Variants in LRBA observed in about 807,000 individuals in gnomAD.
LRBA encodes lipopolysaccharide-responsive and beige-like anchor protein.
Under a neutral mutation model 330.0 loss-of-function variants are expected in LRBA, and 176 were observed. That is an observed-to-expected ratio of 0.53 (90% confidence interval 0.47 to 0.60). The LOEUF is 0.60. Ranked by LOEUF, LRBA falls within the 20% of genes least tolerant of loss-of-function variation. The pLI, the probability that LRBA is intolerant of heterozygous loss-of-function variation, is 0.00. For missense variants in LRBA, 3,259 were observed against 3,444.8 expected (o/e 0.95, Z 1.35); for synonymous variants, 1,230 against 1,193.0 (o/e 1.03, Z -0.64).
chr4:150,436,695 C>T lies in LRBA; in HGVS notation c.6921+29G>A, dbSNP rs1423265064. On this transcript the variant is annotated intron_variant, in intron 45 of 56. Transcript: ENST00000651943. ...CCTTCACAACACTGAATTTATTTAG[C>T]CATGGTGTATTATTCAAATTGAACT... 3 of 1,585,890 alleles carry T rather than the reference C, an allele frequency of 1.9e-6. No homozygotes were observed. The East Asian group carries it at 6.8e-5, about 36-fold the overall frequency.
At chr4:150,440,857 A>C (rs980123020) in intron 44 of LRBA, among the ~76,000 whole-genome samples, 2 of 152,256 alleles carry the variant, frequency 1.3e-5, no homozygotes. Flanking sequence ...ATAGCCAAAA[A>C]TCACTGTATT....
chr4:150,983,851 T>A (rs900379502), intron 2 of LRBA, among the ~76,000 whole-genome samples: 7 of 152,112 alleles, frequency 4.6e-5, no homozygotes, highest in Non-Finnish European at 8.8e-5. Flanking sequence ...GATACTTACA[T>A]GTAAAAGAAG....
chr4:150,837,895 T>C (rs1748398988), intron 28 of LRBA, among the ~76,000 whole-genome samples: 2 of 152,240 alleles, frequency 1.3e-5, no homozygotes, highest in African/African-American at 4.8e-5. Context: ...ATCGATGGTC[T>C]TTACAATTTG....
chr4:150,477,113 G>A (rs1230185605), intron 42 of LRBA, among the ~76,000 whole-genome samples: 3 of 152,248 alleles, frequency 2.0e-5, no homozygotes, highest in South Asian at 2.1e-4. Context: ...TTGATATTGT[G>A]TGGGCAAATT....
chr4:150,343,230 C>T (rs1264073186), intron 48 of LRBA, among the ~76,000 whole-genome samples: 1 of 152,118 alleles, frequency 6.6e-6, no homozygotes, highest in Non-Finnish European at 1.5e-5. Flanking sequence ...TACTCCGATC[C>T]TAAAGTTTTA....
At chr4:150,679,151 G>A (rs894194443) in intron 37 of LRBA, among the ~76,000 whole-genome samples, 1 of 152,026 alleles carries the variant, frequency 6.6e-6, no homozygotes. Flanking sequence ...TCTTTCCTTA[G>A]GCTTAAAAGG....
At chr4:150,952,870 T>A (rs1006464689) in intron 2 of LRBA, among the ~76,000 whole-genome samples, 4 of 152,172 alleles carry the variant, frequency 2.6e-5, no homozygotes, top group African/African-American at 9.7e-5. Context: ...CATTCATCTT[T>A]ATATCTCTGT....
chr4:150,931,099 T>G (rs2149512303), intron 2 of LRBA, among the ~76,000 whole-genome samples: 1 of 152,330 alleles, frequency 6.6e-6, no homozygotes, highest in Admixed American at 6.5e-5. Context: ...TTTGGTTTTG[T>G]TTGTATTATT....
chr4:150,329,195 G>A (rs943543054), intron 48 of LRBA, among the ~76,000 whole-genome samples: 1 of 152,144 alleles, frequency 6.6e-6, no homozygotes. Context: ...ATCTGAAAAG[G>A]CTGTGGAATT....
At chr4:150,531,032 TC>T (rs1354279411) in intron 40 of LRBA, among the ~76,000 whole-genome samples, 1 of 152,168 alleles carries the variant, frequency 6.6e-6, no homozygotes, top group Admixed American at 6.5e-5. Flanking sequence ...CAGTGTTATT[TC>T]CTCAAAGCAC....
chr4:150,422,897 A>C, intron 46 of LRBA: 1 of 874,776 alleles, frequency 1.1e-6, no homozygotes, highest in Non-Finnish European at 2.0e-6. Flanking sequence ...CTCAGGACTG[A>C]ACCAAGAGAA....
At position 150,798,189 on chromosome 4, in the gene LRBA, G is replaced by A. The variant is rs746090508; in HGVS notation, c.5519-47C>T. On this transcript the variant is annotated intron_variant, in intron 33 of 56. Coordinates refer to ENST00000651943, the MANE Select transcript of LRBA (RefSeq NM_001364905.1). ...AAAAGAAGTTATAAAGAAAACAAAT[G>A]AGGATTTGTTACAATTTCATCCAAA... The A allele has an allele frequency of 4.1e-6, 5 of 1,213,466 alleles. No homozygotes were observed. The African/African-American group carries it at 4.4e-5, about 11-fold the overall frequency. 75.2% of individuals were successfully genotyped at this position (1,213,466 alleles called of 1,614,324 possible).
Position 151,003,346 on chromosome 4 carries a change from A to C in LRBA, c.216+11081T>G, listed in dbSNP as rs1579464177. ...TGGGAGGCGAAGGTTACAGTGAGCC[A>C]AAATCAAGCCACTTCACTCCAGCCT... On this transcript the variant is annotated intron_variant, in intron 2 of 56. Transcript: ENST00000651943. Among the ~76,000 whole-genome samples the C allele has an allele frequency of 2.0e-5, 3 of 149,850 alleles. No individual in the cohort carries two copies. The South Asian group carries it at 6.4e-4, about 32-fold the overall frequency.
intron 46 of LRBA, chr4:150,422,953 T>C (rs966446092): frequency 2.6e-6 from 2 of 782,984 alleles, no homozygotes; most frequent in African/African-American, 3.4e-5. Context: ...CTTAATGACG[T>C]TCCCTAGCCC....
intron 31 of LRBA, among the ~76,000 whole-genome samples, chr4:150,809,846 T>C (rs1743351816): frequency 6.8e-6 from 1 of 147,062 alleles, no homozygotes; most frequent in African/African-American, 2.5e-5. Context: ...AGACCCTGTC[T>C]TAAAATACGA....
At chr4:150,565,485 T>C (rs1769008107) in intron 40 of LRBA, among the ~76,000 whole-genome samples, 1 of 152,158 alleles carries the variant, frequency 6.6e-6, no homozygotes. Flanking sequence ...ATTCTGCATA[T>C]GTATCCTAGA....
chr4:150,810,457 C>T (rs764510134), intron 31 of LRBA, among the ~76,000 whole-genome samples: 26 of 152,160 alleles, frequency 1.7e-4, no homozygotes, highest in Non-Finnish European at 2.9e-4. Context: ...TTTTGTATTG[C>T]TTACAGTCCT....
At chr4:150,459,054 T>C (rs1185169108) in intron 44 of LRBA, among the ~76,000 whole-genome samples, 3 of 151,878 alleles carry the variant, frequency 2.0e-5, no homozygotes, top group African/African-American at 7.2e-5. Flanking sequence ...AAATGTTTTA[T>C]TTTTTTAGGT....
At chr4:150,590,100 G>A (rs944871886) in intron 39 of LRBA, among the ~76,000 whole-genome samples, 1 of 152,134 alleles carries the variant, frequency 6.6e-6, no homozygotes, top group African/African-American at 2.4e-5. Flanking sequence ...GAGGGACAGA[G>A]CCACAGGTAT....
Sources: gnomAD v4.1 joint callset for allele counts (sites outside exome capture counted in the v4.1 genomes callset) on GRCh38, gnomAD v4.1.1 for gene constraint, MANE v1.5 for transcripts, NCBI Gene and HGNC (gene_info 2026-07-23, HGNC 2026-07-21) for gene names.